PLK4: variants seen among roughly 807,000 people sequenced by gnomAD.
The protein encoded by PLK4 is serine/threonine-protein kinase PLK4.
Under a neutral mutation model 103.0 loss-of-function variants are expected in PLK4, and 51 were observed. The observed-to-expected ratio is 0.50, with a 90% CI of 0.40 to 0.63. The LOEUF is 0.63. Among genes scored for constraint, PLK4 ranks in the 20% least tolerant of loss-of-function variants. The pLI is 0.00. For synonymous variants in PLK4, 389 were observed against 376.8 expected, an observed-to-expected ratio of 1.03 and a Z score of -0.38; for missense variants, 1,054 against 1,151.0, an observed-to-expected ratio of 0.92 and a Z score of 1.22.
At position 127,881,876 on chromosome 4, in the gene PLK4, G is replaced by A. The variant is rs541238585; in HGVS notation, c.76G>A (p.Val26Ile). 3.7e-6 allele frequency: 6 copies of A among 1,610,888 alleles called. No individual in the cohort carries two copies. The African/African-American group carries it at 6.7e-5, about 18-fold the overall frequency. The change falls in exon 2 of 16, where the codon GTC becomes ATC. Residue 26 changes from valine (V) to isoleucine (I), a missense_variant. This residue lies in a region of PLK4 where 199 missense variants were observed against 270.1 expected (regional missense o/e 0.74). Coordinates refer to ENST00000270861, the MANE Select transcript of PLK4 (RefSeq NM_014264.5). The stretch of plus-strand genomic sequence containing the variant: ...GCTTGGTAAAGGATCATTTGCTGGT[G>A]TCTACAGAGCTGAGTCCATTCACAC... ...NLLGKGSFAG[V>I]YRAESIHTGL...
chr4:127,896,843 C>A lies in PLK4; in HGVS notation c.2746C>A (p.Gln916Lys). ...AVWVQFNDGS[Q>K]LVVQAGVSSI... ...GTGGGTTCAGTTTAATGATGGGTCC[C>A]AGTTGGTTGTGCAGGCAGGAGTGTC... The change falls in exon 15 of 16, where the codon CAG becomes AAG. Residue 916 changes from glutamine to lysine, a missense_variant. Physicochemically the swap from Gln to Lys is moderately conservative, Grantham distance 53 (BLOSUM62 1). Around this residue, in one of 4 missense-constraint regions of PLK4, gnomAD observed 167 missense variants for 200.7 expected, o/e 0.83. Coordinates refer to ENST00000270861, the MANE Select transcript of PLK4 (RefSeq NM_014264.5). 2 of 1,612,742 alleles carry A rather than the reference C, an allele frequency of 1.2e-6. No homozygotes were observed. The highest frequency in any genetic ancestry group is 2.2e-5 in the South Asian group (2 of 91,034).
chr4:127,888,370 A>C (rs556596878), intron 6 of PLK4, among the ~76,000 whole-genome samples: 17 of 152,172 alleles, frequency 1.1e-4, no homozygotes, highest in Admixed American at 2.0e-4. Context: ...GAAACTGGGT[A>C]CACAGAGCTT....
Position 127,893,412 on chromosome 4 carries a change from T to C in PLK4, c.2316T>C (p.Ala772=). ...KEEIKMYMDH[A]NEGHRICLAL... Reference sequence around the variant, plus strand: ...AGATAAAAATGTATATGGACCATGCTAATGAGGTACATACCTAATTGTAGG... The same window carrying C: ...AGATAAAAATGTATATGGACCATGCCAATGAGGTACATACCTAATTGTAGG... The change falls in exon 11 of 16, where the codon GCT becomes GCC. Residue 772 remains alanine, a synonymous_variant. Coordinates refer to ENST00000270861, the MANE Select transcript of PLK4 (RefSeq NM_014264.5). 1 of 1,606,276 alleles carries C rather than the reference T, an allele frequency of 6.2e-7. No individual in the cohort carries two copies. The highest frequency in any genetic ancestry group is 8.5e-7 in the Non-Finnish European group (1 of 1,175,646).
chr4:127,890,282 G>T (rs376442197), intron 7 of PLK4, 46 bp downstream of exon 7: 24 of 1,463,200 alleles, frequency 1.6e-5, no homozygotes, highest in Non-Finnish European at 2.0e-5. Context: ...TTTTACTTGA[G>T]AATACAATTC....
At chr4:127,882,607 A>G (rs918161300) in intron 2 of PLK4, among the ~76,000 whole-genome samples, 1 of 152,108 alleles carries the variant, frequency 6.6e-6, no homozygotes, top group African/African-American at 2.4e-5. Context: ...TAAAAATACC[A>G]AATTAGCCGG....
intron 10 of PLK4, chr4:127,892,816 A>G (rs938514084): frequency 4.6e-6 from 1 of 218,910 alleles, no homozygotes; most frequent in South Asian, 1.0e-4. Context: ...CCTATTTCTT[A>G]TTAGAAACCT....
intron 1 of PLK4, chr4:127,881,463 A>G (rs1578748639): frequency 2.6e-6 from 3 of 1,169,808 alleles, no homozygotes; most frequent in Non-Finnish European, 3.4e-6. Context: ...GGGCAGGGCT[A>G]CCTCCCACTT....
chr4:127,896,154 A>C (rs1029224436), intron 14 of PLK4, among the ~76,000 whole-genome samples: 5 of 152,138 alleles, frequency 3.3e-5, no homozygotes, highest in Non-Finnish European at 1.5e-5. Flanking sequence ...TAACCTAGTA[A>C]AGTTGTATCT....
In PLK4 at chr4:127,898,843, A is replaced by G. The variant is rs1735675731; in HGVS notation, c.*302A>G. 4 of 205,140 alleles carry G rather than the reference A, an allele frequency of 1.9e-5. No homozygotes were observed. The highest frequency in any genetic ancestry group is 1.7e-3 in the Middle Eastern group (1 of 598). The allele number at this position is 205,140 out of a possible 1,614,324, so 12.7% of individuals were successfully genotyped here. A position where few individuals can be genotyped will look rare whatever the true frequency, so the allele number is the denominator to read the frequency against. ...AAAAGCAAAAATGTAAATGATGTGT[A>G]GTTTATTTGTGCTTTTATTGTTTTC... On this transcript the variant is annotated 3_prime_UTR_variant, in exon 16 of 16. Coordinates refer to ENST00000270861, the MANE Select transcript of PLK4 (RefSeq NM_014264.5).
rs796127137 is a variant in PLK4, at chr4:127,889,290, T to C, written c.1460-576T>C. The stretch of plus-strand genomic sequence containing the variant: ...GTTCTGTATGTGAACTTTAAAACCA[T>C]ACAAAATAAAAATTGGTAAACTTAA... On this transcript the variant is annotated intron_variant, in intron 6 of 15. Transcript: ENST00000270861. 2.0e-5 allele frequency among the ~76,000 whole-genome samples: 3 copies of C among 152,178 alleles called. No homozygotes were observed. In the South Asian group the frequency reaches 6.2e-4, roughly 31 times the overall value.
At chr4:127,882,357 C>T (rs1026780483) in intron 2 of PLK4, among the ~76,000 whole-genome samples, 3 of 152,192 alleles carry the variant, frequency 2.0e-5, no homozygotes, top group Admixed American at 6.5e-5. Context: ...GGGTGGCTCA[C>T]ACCTGTAATC....
At position 127,896,818 on chromosome 4, in the gene PLK4, G is replaced by A; in HGVS notation, c.2721G>A (p.Val907=). ...GWATQLTSGA[V]WVQFNDGSQL... ...TTTTCTAGTTAACTAGTGGAGCTGTGTGGGTTCAGTTTAATGATGGGTCCC... is the reference window on the plus strand; with the variant it reads ...TTTTCTAGTTAACTAGTGGAGCTGTATGGGTTCAGTTTAATGATGGGTCCC... Residue 907 remains valine (V), a synonymous_variant, in exon 15 of 16, where the codon GTG becomes GTA. Coordinates refer to ENST00000270861, the MANE Select transcript of PLK4 (RefSeq NM_014264.5). 1 of 1,608,230 alleles carries A rather than the reference G, an allele frequency of 6.2e-7. No individual in the cohort carries two copies. The highest frequency in any genetic ancestry group is 8.5e-7 in the Non-Finnish European group (1 of 1,175,546).
chr4:127,887,151 A>AT (rs1368566883), intron 5 of PLK4, among the ~76,000 whole-genome samples: 4 of 151,920 alleles, frequency 2.6e-5, no homozygotes, highest in Non-Finnish European at 5.9e-5. Context: ...TCATTTTGTG[A>AT]TTTTTATGCT....
intron 6 of PLK4, among the ~76,000 whole-genome samples, chr4:127,888,596 A>G (rs1458700112): frequency 1.3e-5 from 2 of 152,222 alleles, no homozygotes; most frequent in African/African-American, 4.8e-5. Context: ...CTCACACTAA[A>G]GTACAGAGCT....
chr4:127,882,464 C>A (rs1734966564), intron 2 of PLK4, among the ~76,000 whole-genome samples: 2 of 152,008 alleles, frequency 1.3e-5, no homozygotes, highest in Non-Finnish European at 2.9e-5. Flanking sequence ...ACCAAAAATA[C>A]AAAAATTAGC....
At position 127,893,802 on chromosome 4, in the gene PLK4, C is replaced by T. The variant is rs61735390; in HGVS notation, c.2483C>T (p.Thr828Met). The change falls in exon 13 of 16, where the codon ACG becomes ATG. Residue 828 changes from threonine (T) to methionine (M), a missense_variant. Around this residue, in one of 4 missense-constraint regions of PLK4, gnomAD observed 167 missense variants for 200.7 expected, o/e 0.83. Coordinates refer to ENST00000270861, the MANE Select transcript of PLK4 (RefSeq NM_014264.5). ...PPPSVDSNYP[T>M]RERASFNRMV... ...CCTTCTGTGGATTCAAATTACCCAA[C>T]GAGAGAGAGAGCATCTTTCAACAGA... 1.1e-3 allele frequency: 1,709 copies of T among 1,612,156 alleles called. 25 individuals carry two copies. The African/African-American group carries it at 0.021, about 20-fold the overall frequency.
rs777046323 is a variant in PLK4, at chr4:127,886,386, A to T, written c.1016A>T (p.Asp339Val). The T allele has an allele frequency of 6.2e-7, 1 of 1,613,934 alleles. No individual in the cohort carries two copies. The highest frequency in any genetic ancestry group is 8.5e-7 in the Non-Finnish European group (1 of 1,179,884). Residue 339 changes from aspartate to valine, a missense_variant, in exon 5 of 16, where the codon GAT becomes GTT. Around this residue, in one of 4 missense-constraint regions of PLK4, gnomAD observed 680 missense variants for 660.3 expected, o/e 1.03. Transcript: ENST00000270861. ...TCAACTGATTTTTCTTCTTCAGGAGATGGAAACAGTTTTTATACTCAGTGG... is the reference window on the plus strand; with the variant it reads ...TCAACTGATTTTTCTTCTTCAGGAGTTGGAAACAGTTTTTATACTCAGTGG... ...KSSTDFSSSG[D>V]GNSFYTQWGN...
At chr4:127,886,898 A>G (rs1735159217) in intron 5 of PLK4, among the ~76,000 whole-genome samples, 170 bp downstream of exon 5, 1 of 151,714 alleles carries the variant, frequency 6.6e-6, no homozygotes, top group African/African-American at 2.4e-5. Flanking sequence ...GTGTGTGTTC[A>G]TGAATGTGTT....
intron 6 of PLK4, among the ~76,000 whole-genome samples, chr4:127,887,857 G>T (rs1735193655): frequency 7.5e-6 from 1 of 133,834 alleles, no homozygotes; most frequent in Non-Finnish European, 1.6e-5. Context: ...GTGTGACAGA[G>T]AGAGAGACCC....
Sources: gnomAD v4.1 joint callset for allele counts (sites outside exome capture counted in the v4.1 genomes callset) on GRCh38, gnomAD v4.1.1 for gene constraint, gnomAD v4.1.1 regional missense constraint, MANE v1.5 for transcripts, NCBI Gene and HGNC (gene_info 2026-07-23, HGNC 2026-07-21) for gene names.